INPP4B: variants seen among roughly 807,000 people sequenced by gnomAD.
INPP4B encodes the protein inositol polyphosphate 4-phosphatase type II.
In INPP4B, 55 loss-of-function variants were observed where a neutral mutation model predicts 122.5. The ratio of observed to expected loss-of-function variants is 0.45; its 90% confidence interval spans 0.36 to 0.56. The LOEUF is 0.56. Among genes scored for constraint, INPP4B ranks in the 20% least tolerant of loss-of-function variants. The pLI is 0.00. For missense variants in INPP4B, 1,000 were observed against 1,097.7 expected, an observed-to-expected ratio of 0.91 and a Z score of 1.26; for synonymous variants, 403 against 388.7, an observed-to-expected ratio of 1.04 and a Z score of -0.43.
rs1340908538 is a variant in INPP4B at position 142,545,778 on chromosome 4, TACAC to T, written c.-190-83056_-190-83053del. On this transcript the variant is annotated intron_variant, in intron 2 of 25. Transcript: ENST00000262992. ...ACACATGTATATGTGTGTATATATA[TACAC>T]ATATATATGTGTGTATATATATACA... Among the ~76,000 whole-genome samples the T allele has an allele frequency of 4.3e-5, 6 of 140,218 alleles. No homozygotes were observed. In the East Asian group the frequency reaches 6.2e-4, roughly 14 times the overall value. 92.0% of individuals were successfully genotyped at this position (140,218 alleles called of 152,430 possible). A position where few individuals can be genotyped will look rare whatever the true frequency, so the allele number is the denominator to read the frequency against.
chr4:142,475,671 A>G (rs1819676812), intron 2 of INPP4B, among the ~76,000 whole-genome samples: 1 of 152,220 alleles, frequency 6.6e-6, no homozygotes, highest in African/African-American at 2.4e-5. Flanking sequence ...ATAGAAGTCA[A>G]AAATCCACTT....
chr4:142,799,113 A>G (rs539314201), intron 1 of INPP4B, among the ~76,000 whole-genome samples: 3 of 152,044 alleles, frequency 2.0e-5, no homozygotes, highest in East Asian at 3.9e-4. Flanking sequence ...ATGTCCATGG[A>G]ATATCATTAT....
chr4:142,067,675 G>A (rs1417123600), intron 25 of INPP4B, among the ~76,000 whole-genome samples: 5 of 152,098 alleles, frequency 3.3e-5, no homozygotes, highest in South Asian at 2.1e-4. Flanking sequence ...CGAGAAGTAC[G>A]CGACACATGC....
intron 2 of INPP4B, among the ~76,000 whole-genome samples, chr4:142,702,200 A>G (rs1016908989): frequency 6.6e-6 from 1 of 152,112 alleles, no homozygotes; most frequent in African/African-American, 2.4e-5. Context: ...AAAAAAAAAA[A>G]AATCATTCTT....
chr4:142,744,768 A>G (rs1308740094), intron 1 of INPP4B, among the ~76,000 whole-genome samples: 1 of 151,894 alleles, frequency 6.6e-6, no homozygotes, highest in Admixed American at 6.6e-5. Context: ...AAAATGTTAA[A>G]TAAAAAAGGG....
chr4:142,764,852 G>T (rs1391891598), intron 1 of INPP4B, among the ~76,000 whole-genome samples: 1 of 151,920 alleles, frequency 6.6e-6, no homozygotes, highest in Non-Finnish European at 1.5e-5. Context: ...GACCATCGAG[G>T]CCCTTAAATA....
chr4:142,604,509 C>G (rs1476140729), intron 2 of INPP4B, among the ~76,000 whole-genome samples: 2 of 151,926 alleles, frequency 1.3e-5, no homozygotes, highest in African/African-American at 4.8e-5. Flanking sequence ...CCTAGAACTG[C>G]AAATAAATTC....
chr4:142,289,094 T>A (rs1473647279), intron 9 of INPP4B, among the ~76,000 whole-genome samples: 1 of 152,222 alleles, frequency 6.6e-6, no homozygotes, highest in Admixed American at 6.5e-5. Flanking sequence ...TCTGGTATTG[T>A]TTAATAAATT....
chr4:142,087,073 C>T (rs1777212319), intron 23 of INPP4B, among the ~76,000 whole-genome samples: 1 of 152,160 alleles, frequency 6.6e-6, no homozygotes, highest in Non-Finnish European at 1.5e-5. Context: ...TAATATTTTG[C>T]TGGGAGGAAG....
At chr4:142,640,389 T>C (rs1215246961) in intron 2 of INPP4B, among the ~76,000 whole-genome samples, 1 of 152,056 alleles carries the variant, frequency 6.6e-6, no homozygotes, top group Admixed American at 6.6e-5. Context: ...AATTAATATA[T>C]GGATAGTTGA....
intron 2 of INPP4B, among the ~76,000 whole-genome samples, chr4:142,467,086 T>G (rs1180519867): frequency 6.6e-6 from 1 of 152,146 alleles, no homozygotes; most frequent in Non-Finnish European, 1.5e-5. Context: ...CAGAGAAACT[T>G]TACTAGGGCA....
chr4:142,163,982 C>T (rs1042008008), intron 16 of INPP4B, among the ~76,000 whole-genome samples: 14 of 151,604 alleles, frequency 9.2e-5, no homozygotes, highest in Non-Finnish European at 1.2e-4. Context: ...TTAATAATAT[C>T]GTGTAAAAAG....
At chr4:142,732,876 A>T (rs1374975942) in intron 1 of INPP4B, among the ~76,000 whole-genome samples, 5 of 152,284 alleles carry the variant, frequency 3.3e-5, no homozygotes, top group African/African-American at 1.2e-4. Context: ...TAGCCAAGGA[A>T]GACAAAACTA....
At chr4:142,064,605 G>A (rs1762558644) in intron 25 of INPP4B, among the ~76,000 whole-genome samples, 1 of 152,086 alleles carries the variant, frequency 6.6e-6, no homozygotes, top group Non-Finnish European at 1.5e-5. Flanking sequence ...TCATTCTTGT[G>A]AAGTGGAAGG....
chr4:142,795,181 A>G (rs1777067965), intron 1 of INPP4B: 1 of 152,048 alleles, frequency 6.6e-6, no homozygotes, highest in South Asian at 2.1e-4. Flanking sequence ...TTTGACAAAC[A>G]TAATGATTTC....
chr4:142,553,860 A>G (rs775544642), intron 2 of INPP4B, among the ~76,000 whole-genome samples: 1 of 152,108 alleles, frequency 6.6e-6, no homozygotes, highest in Non-Finnish European at 1.5e-5. Flanking sequence ...TCATTTCTCA[A>G]TGAATGGCTG....
intron 5 of INPP4B, among the ~76,000 whole-genome samples, chr4:142,425,620 C>A (rs1580019767): frequency 6.6e-6 from 1 of 151,946 alleles, no homozygotes; most frequent in African/African-American, 2.4e-5. Context: ...TGAACAATAT[C>A]CAAATTAGTA....
intron 2 of INPP4B, among the ~76,000 whole-genome samples, chr4:142,565,135 T>C (rs1324905090): frequency 6.6e-6 from 1 of 152,086 alleles, no homozygotes. Context: ...TGGATGCCCT[T>C]GCACCAATGA....
intron 1 of INPP4B, among the ~76,000 whole-genome samples, chr4:142,794,682 G>T (rs1776996630): frequency 6.6e-6 from 1 of 151,596 alleles, no homozygotes; most frequent in Admixed American, 6.6e-5. Context: ...GACACAATCT[G>T]GGAGATAATA....
Sources: gnomAD v4.1 joint callset for allele counts (sites outside exome capture counted in the v4.1 genomes callset) on GRCh38, gnomAD v4.1.1 for gene constraint, MANE v1.5 for transcripts, NCBI Gene and HGNC (gene_info 2026-07-23, HGNC 2026-07-21) for gene names.